NKAIN3: variants seen among roughly 807,000 people sequenced by gnomAD.
NKAIN3 encodes sodium/potassium transporting ATPase interacting 3.
Under a neutral mutation model 30.2 loss-of-function variants are expected in NKAIN3, and 25 were observed. The ratio of observed to expected loss-of-function variants is 0.83; its 90% CI spans 0.60 to 1.16. The LOEUF is 1.16. Ranked by LOEUF, NKAIN3 falls within the 50% of genes most tolerant of loss-of-function variation. The probability of loss-of-function intolerance (pLI) is 0.00; values close to 1 mark genes in which losing one functional copy is unlikely to be tolerated. For missense variants in NKAIN3, 225 were observed against 254.1 expected (o/e 0.89, Z 0.78); for synonymous variants, 91 against 89.6 (o/e 1.02, Z -0.09).
chr8:62,264,320 A>AT (rs1563911405), intron 1 of NKAIN3, among the ~76,000 whole-genome samples: 1 of 152,096 alleles, frequency 6.6e-6, no homozygotes, highest in African/African-American at 2.4e-5. Context: ...ACCCACCCCA[A>AT]TTCCTGAGCC....
intron 4 of NKAIN3, among the ~76,000 whole-genome samples, chr8:62,800,399 C>G (rs567652855): frequency 6.6e-6 from 1 of 152,174 alleles, no homozygotes; most frequent in South Asian, 2.1e-4. Flanking sequence ...GACCAAAGAC[C>G]AAGTCTACCA....
intron 4 of NKAIN3, among the ~76,000 whole-genome samples, chr8:62,810,683 C>G (rs1415087157): frequency 9.9e-6 from 1 of 101,140 alleles, no homozygotes; most frequent in Non-Finnish European, 2.0e-5. Context: ...TTCCTGACTT[C>G]TGTTAAACTG....
At chr8:62,985,428 C>T (rs1192166134), downstream of NKAIN3, among the ~76,000 whole-genome samples, 3 of 152,180 alleles carry the variant, frequency 2.0e-5, no homozygotes, top group African/African-American at 7.2e-5. Flanking sequence ...CTCCATCAGA[C>T]TCTTCTTGCT....
At chr8:62,284,318 C>G (rs922336684) in intron 1 of NKAIN3, among the ~76,000 whole-genome samples, 2 of 152,012 alleles carry the variant, frequency 1.3e-5, no homozygotes, top group Non-Finnish European at 1.5e-5. Context: ...TGGTGCTGTC[C>G]TTGCTGTGCT....
chr8:62,280,050 G>T (rs893313350), intron 1 of NKAIN3, among the ~76,000 whole-genome samples: 10 of 152,042 alleles, frequency 6.6e-5, no homozygotes, highest in African/African-American at 1.7e-4. Context: ...TTTATTTCGT[G>T]GAGCAGTGGT....
At chr8:62,769,618 C>A (rs1816954008) in intron 4 of NKAIN3, among the ~76,000 whole-genome samples, 2 of 152,202 alleles carry the variant, frequency 1.3e-5, no homozygotes, top group Non-Finnish European at 2.9e-5. Flanking sequence ...CCAGGGCTCT[C>A]CTCCCATCTC....
chr8:62,739,680 C>T (rs139069422), intron 3 of NKAIN3, among the ~76,000 whole-genome samples: 253 of 152,134 alleles, frequency 1.7e-3, no homozygotes, highest in African/African-American at 5.2e-3. Context: ...CTGAAGTGAT[C>T]GTATCTAAGG....
At chr8:62,741,382 G>GGAAGGAAA (rs1180368732) in intron 3 of NKAIN3, among the ~76,000 whole-genome samples, 51 of 139,634 alleles carry the variant, frequency 3.7e-4, no homozygotes, top group African/African-American at 1.6e-3. Flanking sequence ...AAGGAAGGAA[G>GGAAGGAAA]GAAGGAAGGA....
At chr8:62,884,320 G>A (rs761778648) in intron 4 of NKAIN3, among the ~76,000 whole-genome samples, 20 of 151,602 alleles carry the variant, frequency 1.3e-4, no homozygotes, top group South Asian at 2.1e-4. Flanking sequence ...GTGCAATGGC[G>A]CAATCTCGGC....
intron 1 of NKAIN3, among the ~76,000 whole-genome samples, chr8:62,507,225 G>A (rs1256196941): frequency 2.0e-5 from 3 of 152,152 alleles, no homozygotes; most frequent in African/African-American, 7.2e-5. Flanking sequence ...AGTACAACCA[G>A]ATGGATGAAG....
intron 4 of NKAIN3, among the ~76,000 whole-genome samples, chr8:62,766,217 T>C (rs924718682): frequency 6.6e-6 from 1 of 152,224 alleles, no homozygotes; most frequent in Non-Finnish European, 1.5e-5. Flanking sequence ...AGGCATATAA[T>C]AGATTTTATG....
intron 4 of NKAIN3, among the ~76,000 whole-genome samples, chr8:62,796,604 A>G (rs182734789): frequency 2.6e-5 from 4 of 152,032 alleles, no homozygotes; most frequent in African/African-American, 9.7e-5. Flanking sequence ...ATTTACAGAG[A>G]ATATTTTCTC....
At position 62,652,666 on chromosome 8, in the gene NKAIN3, C is replaced by T. The variant is rs543193170; in HGVS notation, c.273+62872C>T. Among the ~76,000 whole-genome samples, 53 of 152,264 alleles carry T rather than the reference C, an allele frequency of 3.5e-4. 1 individual carries two copies. The highest frequency in any genetic ancestry group is 1.3e-3 in the African/African-American group (52 of 41,558). On this transcript the variant is annotated intron_variant, in intron 3 of 6. Coordinates refer to ENST00000623646, the MANE Select transcript of NKAIN3 (RefSeq NM_001304533.3). ...CAGCTTGCTGGTTGCTGGTCTGGAT[C>T]ACCCTGGCATATGATGTGGATGCTC...
At chr8:62,468,414 G>GC (rs1454388631) in intron 1 of NKAIN3, among the ~76,000 whole-genome samples, 7 of 152,242 alleles carry the variant, frequency 4.6e-5, no homozygotes, top group African/African-American at 1.4e-4. Context: ...GTTGGAAGAG[G>GC]AGTTTGCACT....
intron 1 of NKAIN3, among the ~76,000 whole-genome samples, chr8:62,457,736 CTATTA>C (rs1805862735): frequency 6.6e-6 from 1 of 151,998 alleles, no homozygotes; most frequent in African/African-American, 2.4e-5. Flanking sequence ...CAAATAATTC[CTATTA>C]TATTTTTAGT....
At chr8:62,647,569 G>C (rs1812505487) in intron 3 of NKAIN3, among the ~76,000 whole-genome samples, 1 of 152,142 alleles carries the variant, frequency 6.6e-6, no homozygotes, top group African/African-American at 2.4e-5. Context: ...CCTGGACGAA[G>C]GAATATCCAC....
chr8:62,309,272 A>G (rs1253531049), intron 1 of NKAIN3, among the ~76,000 whole-genome samples: 2 of 150,796 alleles, frequency 1.3e-5, no homozygotes, highest in Middle Eastern at 3.4e-3. Context: ...ACATTAAAAA[A>G]AGATTTAAAT....
chr8:62,741,362 A>AGAAGGACGGAAGGAAGGAAGGAAG (rs1429910797), intron 3 of NKAIN3, among the ~76,000 whole-genome samples: 2 of 137,948 alleles, frequency 1.4e-5, no homozygotes, highest in South Asian at 2.4e-4. Flanking sequence ...AGAGAGAGAA[A>AGAAGGACGGAAGGAAGGAAGGAAG]GAAGGAAGGA....
intron 3 of NKAIN3, among the ~76,000 whole-genome samples, chr8:62,661,156 C>T (rs1586061305): frequency 6.6e-6 from 1 of 152,130 alleles, no homozygotes; most frequent in Non-Finnish European, 1.5e-5. Flanking sequence ...GCCATCCTTC[C>T]AGGCTGATTA....
Sources: allele counts gnomAD v4.1 joint callset (sites outside exome capture counted in the v4.1 genomes callset), GRCh38; gene constraint gnomAD v4.1.1; transcripts MANE v1.5; gene names NCBI Gene and HGNC (gene_info 2026-07-23, HGNC 2026-07-21).